The following KIZ variants were observed in gnomAD, a reference collection of about 807,000 sequenced individuals.
The protein encoded by KIZ is centrosomal protein kizuna.
KIZ carries 68 observed loss-of-function variants against 79.6 expected under a neutral mutation model. That is an observed-to-expected ratio of 0.85 (90% CI 0.70 to 1.05). KIZ has a LOEUF of 1.05. Among genes scored for constraint, KIZ ranks in the 50% least tolerant of loss-of-function variants. KIZ has a pLI of 0.00. For synonymous variants in KIZ, 280 were observed against 281.8 expected, an observed-to-expected ratio of 0.99 and a Z score of 0.06; for missense variants, 797 against 800.4, an observed-to-expected ratio of 1.00 and a Z score of 0.05.
At chr20:21,169,513 C>A (rs145395690) in intron 6 of KIZ, among the ~76,000 whole-genome samples, 4 of 152,180 alleles carry the variant, frequency 2.6e-5, no homozygotes, top group Non-Finnish European at 5.9e-5. Flanking sequence ...TTGTGGAAGT[C>A]AGTGTGGCGA....
At chr20:21,204,918 C>T (rs765765595) in intron 6 of KIZ, among the ~76,000 whole-genome samples, 6 of 152,122 alleles carry the variant, frequency 3.9e-5, no homozygotes, top group African/African-American at 4.8e-5. Flanking sequence ...ATGTGGGAGA[C>T]TGACCATCTA....
chr20:21,163,956 C>T (rs2033813310), intron 6 of KIZ, among the ~76,000 whole-genome samples: 10 of 152,180 alleles, frequency 6.6e-5, no homozygotes, highest in Admixed American at 6.5e-4. Context: ...AAGTAAACAA[C>T]CTAAGGTAGA....
At chr20:21,152,004 T>G (rs781608325) in intron 4 of KIZ, among the ~76,000 whole-genome samples, 3 of 152,190 alleles carry the variant, frequency 2.0e-5, no homozygotes, top group Non-Finnish European at 4.4e-5. Context: ...CAGAATCCAG[T>G]GCATTCCTCA....
intron 8 of KIZ, among the ~76,000 whole-genome samples, chr20:21,215,188 G>A (rs1401976675): frequency 6.6e-6 from 1 of 152,210 alleles, no homozygotes; most frequent in African/African-American, 2.4e-5. Flanking sequence ...CAGAAACTGT[G>A]ATTATTTAAG....
chr20:21,210,650 T>C (rs1345375172), intron 7 of KIZ, among the ~76,000 whole-genome samples: 5 of 152,212 alleles, frequency 3.3e-5, no homozygotes, highest in Non-Finnish European at 7.3e-5. Context: ...GGTATATCTT[T>C]CAGGCTTTTG....
intron 4 of KIZ, among the ~76,000 whole-genome samples, chr20:21,152,102 T>G (rs2033150348): frequency 6.6e-6 from 1 of 152,124 alleles, no homozygotes. Context: ...TTTGTACAAG[T>G]GGCCAAACCT....
At chr20:21,193,362 A>G (rs561434984) in intron 6 of KIZ, among the ~76,000 whole-genome samples, 25 of 152,316 alleles carry the variant, frequency 1.6e-4, no homozygotes, top group African/African-American at 6.0e-4. Context: ...TGTAGCCCTC[A>G]TACAGGGTCA....
At chr20:21,149,190 C>T (rs184065007) in intron 4 of KIZ, among the ~76,000 whole-genome samples, 1 of 152,328 alleles carries the variant, frequency 6.6e-6, no homozygotes, top group Non-Finnish European at 1.5e-5. Context: ...AGCATCCATG[C>T]TGTTAACCAC....
intron 9 of KIZ, among the ~76,000 whole-genome samples, chr20:21,220,260 G>A (rs1481612828): frequency 2.6e-5 from 4 of 151,680 alleles, no homozygotes; most frequent in Non-Finnish European, 4.4e-5. Flanking sequence ...TGGTATCCCT[G>A]CCCTCACTAA....
At chr20:21,218,080 C>T (rs1257951364) in intron 9 of KIZ, 1 of 152,184 alleles carries the variant, frequency 6.6e-6, no homozygotes, top group Non-Finnish European at 1.5e-5. Context: ...AATAGTACTG[C>T]TATGTTAGTT....
chr20:21,192,656 A>G (rs1003224731), intron 6 of KIZ, among the ~76,000 whole-genome samples: 1 of 152,178 alleles, frequency 6.6e-6, no homozygotes, highest in Non-Finnish European at 1.5e-5. Context: ...GACTTGCAAA[A>G]TTTGTTTTGA....
intron 7 of KIZ, among the ~76,000 whole-genome samples, chr20:21,207,309 CT>C (rs542676446): frequency 6.6e-6 from 1 of 151,566 alleles, no homozygotes; most frequent in African/African-American, 2.4e-5. Context: ...AGTAGCAGGA[CT>C]TTTTTTTTAT....
At chr20:21,175,976 A>G (rs1412098573) in intron 6 of KIZ, among the ~76,000 whole-genome samples, 4 of 152,130 alleles carry the variant, frequency 2.6e-5, no homozygotes, top group African/African-American at 4.8e-5. Flanking sequence ...AGATGGTGCC[A>G]CTGCACTCCA....
At chr20:21,189,137 C>G (rs920289371) in intron 6 of KIZ, among the ~76,000 whole-genome samples, 2 of 152,148 alleles carry the variant, frequency 1.3e-5, no homozygotes, top group African/African-American at 4.8e-5. Context: ...AGCCACCATC[C>G]TGCATGCTGT....
intron 2 of KIZ, among the ~76,000 whole-genome samples, chr20:21,135,036 G>A (rs1407116956): frequency 6.6e-6 from 1 of 152,150 alleles, no homozygotes; most frequent in South Asian, 2.1e-4. Flanking sequence ...GCTAGGTCAG[G>A]TTGCCCGGTG....
rs1388558640 is a variant in KIZ at position 21,194,023 on chromosome 20, A to G, written c.1353-11468A>G. Reference sequence around the variant, plus strand: ...AGTATAATAATAATAAAATTAGACAAACAAAAAAAATCCCTGTACCTTAAT... The same window carrying G: ...AGTATAATAATAATAAAATTAGACAGACAAAAAAAATCCCTGTACCTTAAT... On this transcript the variant is annotated intron_variant, in intron 6 of 12. Coordinates refer to ENST00000619189, the MANE Select transcript of KIZ (RefSeq NM_018474.6). 7 of 152,246 alleles carry G rather than the reference A, an allele frequency of 4.6e-5. No individual in the cohort carries two copies. The East Asian group carries it at 1.2e-3, about 25-fold the overall frequency. 9.4% of individuals were successfully genotyped at this position (152,246 alleles called of 1,614,324 possible).
chr20:21,149,625 G>A (rs1252747195), intron 4 of KIZ, among the ~76,000 whole-genome samples: 1 of 152,206 alleles, frequency 6.6e-6, no homozygotes, highest in Non-Finnish European at 1.5e-5. Context: ...CACTGCAGGA[G>A]AGGCACACGT....
chr20:21,182,625 A>C (rs1008805117), intron 6 of KIZ, among the ~76,000 whole-genome samples: 1 of 151,948 alleles, frequency 6.6e-6, no homozygotes, highest in Non-Finnish European at 1.5e-5. Flanking sequence ...GCGAAACCCT[A>C]TCTCTACTAA....
chr20:21,155,925 A>G (rs1398615419), intron 4 of KIZ, among the ~76,000 whole-genome samples: 1 of 152,214 alleles, frequency 6.6e-6, no homozygotes, highest in Non-Finnish European at 1.5e-5. Flanking sequence ...GGATTTCCAT[A>G]TAGAATTACT....
Sources: gnomAD v4.1 joint callset for allele counts (sites outside exome capture counted in the v4.1 genomes callset) on GRCh38, gnomAD v4.1.1 for gene constraint, MANE v1.5 for transcripts, NCBI Gene and HGNC (gene_info 2026-07-23, HGNC 2026-07-21) for gene names.